The following TPSD1 variants were observed in gnomAD, a reference collection of about 807,000 sequenced individuals.
TPSD1 encodes the protein tryptase delta 1, also known as tryptase delta.
In TPSD1, 30 loss-of-function variants were observed where a neutral mutation model predicts 25.4. The observed-to-expected ratio is 1.18, with a 90% CI of 0.88 to 1.60. TPSD1 has a LOEUF of 1.60. Ranked by LOEUF, TPSD1 falls within the 40% of genes most tolerant of loss-of-function variation. TPSD1 has a pLI of 0.00. For synonymous variants in TPSD1, 176 were observed against 149.4 expected (o/e 1.18, Z -1.30); for missense variants, 420 against 324.2 (o/e 1.30, Z -2.27).
chr16:1,256,340 G>A lies in TPSD1; in HGVS notation c.60G>A (p.Ala20=), dbSNP rs545531022. 79 of 1,613,278 alleles carry A rather than the reference G, an allele frequency of 4.9e-5. No individual in the cohort carries two copies. Among genetic ancestry groups the A allele is most frequent in the African/African-American group, 1.7e-4 (13 of 75,038 alleles). ...TGCTGCTGGCGCTGCCCGTCCTGGC[G>A]AGCCCGGCCTACGTGGCCCCTGGTG... ...SLLLLALPVL[A]SPAYVAPAPG... is the part of the protein sequence containing the mutation. Residue 20 remains alanine (A), a synonymous_variant, in exon 1 of 5, where the codon GCG becomes GCA. Transcript: ENST00000211076.
At chr16:1,257,545 A>C in intron 3 of TPSD1, 1 of 234,452 alleles carries the variant, frequency 4.3e-6, no homozygotes, top group South Asian at 8.5e-5. Flanking sequence ...TCACTTCTAG[A>C]AGGTCTTGTC....
chr16:1,257,603 C>T (rs760708872), intron 3 of TPSD1: 17 of 245,580 alleles, frequency 6.9e-5, no homozygotes, highest in South Asian at 7.9e-5. Context: ...ACAGCCTGAG[C>T]GGCAACCCTG....
chr16:1,257,339 G>C (rs1260135097), intron 3 of TPSD1: 1 of 542,844 alleles, frequency 1.8e-6, no homozygotes. Context: ...TCAAAAGTTT[G>C]TACGTCACGG....
At position 1,256,619 on chromosome 16, in the gene TPSD1, G is replaced by A; in HGVS notation, c.186G>A (p.Trp62Ter). The part of the protein sequence containing the change: ...QVSLRVRGPY[W>*]MHFCGGSLIH... ...GCCTGAGAGTCCGCGGCCCATACTG[G>A]ATGCACTTCTGCGGGGGCTCCCTCA... The change falls in exon 2 of 5, where the codon TGG becomes TGA. Residue 62 changes from tryptophan (W) to a stop codon, truncating the protein, a stop_gained. Transcript: ENST00000211076. LOFTEE classifies it high-confidence loss of function. 1.2e-6 allele frequency: 2 copies of A among 1,613,064 alleles called. No homozygotes were observed. Among genetic ancestry groups the A allele is most frequent in the South Asian group, 2.2e-5 (2 of 91,056 alleles).
At chr16:1,257,922 C>A in intron 3 of TPSD1, 137 bp from the exon 4 acceptor site, 1 of 949,372 alleles carries the variant, frequency 1.1e-6, no homozygotes. Context: ...CATTCACCGC[C>A]CCTTCCCCGG....
chr16:1,258,037 C>T (rs535970814), intron 3 of TPSD1, 22 bp from the exon 4 acceptor site: 6 of 1,558,384 alleles, frequency 3.9e-6, no homozygotes, highest in Admixed American at 1.9e-5. Context: ...AGACCCGGCT[C>T]CACGCCCCCC....
In TPSD1 at chr16:1,256,914, G is replaced by C. The variant is rs781550482; in HGVS notation, c.372G>C (p.Gln124His). The C allele has an allele frequency of 6.2e-7, 1 of 1,613,988 alleles. No homozygotes were observed. The highest frequency in any genetic ancestry group is 8.5e-7 in the Non-Finnish European group (1 of 1,180,032). Residue 124 changes from glutamine to histidine, a missense_variant, in exon 3 of 5, where the codon CAG becomes CAC. Transcript: ENST00000211076. The stretch of plus-strand genomic sequence containing the variant: ...TGCACCCACAGTTCTACATCATCCA[G>C]ACCGGGGCGGACATCGCCCTGCTGG... ...IIVHPQFYII[Q>H]TGADIALLEL...
At chr16:1,257,751 C>T (rs1376384095) in intron 3 of TPSD1, among the ~76,000 whole-genome samples, 5 of 152,186 alleles carry the variant, frequency 3.3e-5, no homozygotes, top group African/African-American at 7.2e-5. Context: ...CTAGCCCAGA[C>T]GAAAGTCAGC....
Position 1,258,594 on chromosome 16 carries a change from T to A in TPSD1, c.*218T>A. On this transcript the variant is annotated 3_prime_UTR_variant, in exon 5 of 5. Transcript: ENST00000211076. ...CCAGGTGGTGACTGCCCCCCACACC[T>A]TCCCCCATCCTGAGTCCCCTCTCCC... is the stretch of plus-strand genomic sequence containing the variant. 1 of 1,287,204 alleles carries A rather than the reference T, an allele frequency of 7.8e-7. No individual in the cohort carries two copies. The highest frequency in any genetic ancestry group is 1.4e-5 in the South Asian group (1 of 72,344). 79.7% of individuals were successfully genotyped at this position (1,287,204 alleles called of 1,614,324 possible).
chr16:1,258,141 C>T lies in TPSD1; in HGVS notation c.603C>T (p.Thr201=), dbSNP rs141442396. 73 of 1,611,528 alleles carry T rather than the reference C, an allele frequency of 4.5e-5. No individual in the cohort carries two copies. Among genetic ancestry groups the T allele is most frequent in the African/African-American group, 1.7e-4 (13 of 75,008 alleles). The change falls in exon 4 of 5, where the codon ACC becomes ACT. Residue 201 remains threonine, a synonymous_variant. Coordinates refer to ENST00000211076, the MANE Select transcript of TPSD1 (RefSeq NM_012217.3). ...ENHLCNAEYH[T]GLHTGHSFQI... Reference sequence around the variant, plus strand: ...ACCTTTGCAACGCGGAATATCACACCGGCCTCCATACGGGCCACAGCTTTC... The same window carrying T: ...ACCTTTGCAACGCGGAATATCACACTGGCCTCCATACGGGCCACAGCTTTC...
rs145927179 is a variant in TPSD1 at position 1,258,211 on chromosome 16, G to C, written c.673G>C (p.Asp225His). The C allele has an allele frequency of 4.2e-4, 683 of 1,612,472 alleles. 2 individuals are homozygous for C. The African/African-American group carries it at 8.1e-3, about 19-fold the overall frequency. ...DMLCAGSENHDSCQGDSGGPL... is the reference protein window; with the variant it reads ...DMLCAGSENHHSCQGDSGGPL... The stretch of plus-strand genomic sequence containing the variant: ...GCTGTGTGCGGGGAGCGAAAATCAC[G>C]ACTCCTGCCAGGTGGGCCCTCGCGT... The change falls in exon 4 of 5, where the codon GAC (aspartate) becomes CAC (histidine). Residue 225 changes from aspartate (D) to histidine (H), a missense_variant. Asp to His is a moderately conservative substitution (Grantham distance 81, BLOSUM62 -1). Coordinates refer to ENST00000211076, the MANE Select transcript of TPSD1 (RefSeq NM_012217.3).
Position 1,258,349 on chromosome 16 carries a change from C to G in TPSD1, c.702C>G (p.Pro234=), listed in dbSNP as rs1453722650. 1 of 1,613,418 alleles carries G rather than the reference C, an allele frequency of 6.2e-7. No homozygotes were observed. The highest frequency in any genetic ancestry group is 1.1e-5 in the South Asian group (1 of 91,072). ...HDSCQGDSGG[P]LVCKVNGT is the part of the protein sequence containing the mutation. ...CTTCCCAGGGTGACTCTGGAGGGCC[C>G]CTGGTCTGCAAGGTGAATGGCACCT... The change falls in exon 5 of 5, where the codon CCC becomes CCG. Residue 234 remains proline (P), a synonymous_variant. Transcript: ENST00000211076.
chr16:1,257,328 A>G, intron 3 of TPSD1: 1 of 560,842 alleles, frequency 1.8e-6, no homozygotes. Context: ...GAAAGGGTGC[A>G]TCAAAAGTTT....
Position 1,258,345 on chromosome 16 carries a change from G to A in TPSD1, c.698G>A (p.Gly233Glu), listed in dbSNP as rs749748552. ...TGACCTTCCCAGGGTGACTCTGGAG[G>A]GCCCCTGGTCTGCAAGGTGAATGGC... Reference protein sequence around the residue: ...NHDSCQGDSGGPLVCKVNGT With the variant: ...NHDSCQGDSGEPLVCKVNGT The change falls in exon 5 of 5, where the codon GGG becomes GAG. Residue 233 changes from glycine to glutamate, a missense_variant. Gly to Glu is a moderately conservative substitution (Grantham distance 98). Coordinates refer to ENST00000211076, the MANE Select transcript of TPSD1 (RefSeq NM_012217.3). The A allele has an allele frequency of 6.2e-7, 1 of 1,606,498 alleles. No individual in the cohort carries two copies. The highest frequency in any genetic ancestry group is 2.2e-5 in the East Asian group (1 of 44,854).
In TPSD1 at chr16:1,257,378, G is replaced by A. The variant is rs1415059378; in HGVS notation, c.520+316G>A. ...TGCTATGTGGAGAGAGAAATCACAC[G>A]GGGGTCTTGCTGGAAGGAGAGAGAC... On this transcript the variant is annotated intron_variant, in intron 3 of 4. Coordinates refer to ENST00000211076, the MANE Select transcript of TPSD1 (RefSeq NM_012217.3). The A allele has an allele frequency of 6.6e-5, 30 of 451,370 alleles. No homozygotes were observed. The South Asian group carries it at 8.0e-4, about 12-fold the overall frequency. The allele number at this position is 451,370 out of a possible 1,614,324, so 28.0% of individuals were successfully genotyped here.
At position 1,256,658 on chromosome 16, in the gene TPSD1, G is replaced by A. The variant is rs143366031; in HGVS notation, c.225G>A (p.Trp75Ter). 3 of 1,612,340 alleles carry A rather than the reference G, an allele frequency of 1.9e-6. No homozygotes were observed. The highest frequency in any genetic ancestry group is 1.7e-5 in the Admixed American group (1 of 59,954). ...GGGGCTCCCTCATCCACCCCCAGTG[G>A]GTGCTAACCGCGGCGCACTGCGTGG... ...FCGGSLIHPQ[W>*]VLTAAHCVEP... Residue 75 changes from tryptophan (W) to a stop codon, truncating the protein, a stop_gained, in exon 2 of 5, where the codon TGG (tryptophan) becomes TGA (stop). Coordinates refer to ENST00000211076, the MANE Select transcript of TPSD1 (RefSeq NM_012217.3). LOFTEE classifies it high-confidence loss of function.
Position 1,258,510 on chromosome 16 carries a change from T to C in TPSD1, c.*134T>C. On this transcript the variant is annotated 3_prime_UTR_variant, in exon 5 of 5. Coordinates refer to ENST00000211076, the MANE Select transcript of TPSD1 (RefSeq NM_012217.3). ...AAGAAGCCCTGAGCCAGGCCTGGGG[T>C]GTCCACCCGGGTCACTGGAGGGCCA... is the stretch of plus-strand genomic sequence containing the variant. The C allele has an allele frequency of 6.2e-7, 1 of 1,609,100 alleles. No individual in the cohort carries two copies. Among genetic ancestry groups the C allele is most frequent in the Non-Finnish European group, 8.5e-7 (1 of 1,177,322 alleles).
At position 1,258,870 on chromosome 16, in the gene TPSD1, CCCTCCTCCATCCTGAGCCT is replaced by C. The variant is rs1325377883; in HGVS notation, c.*500_*518del. The C allele has an allele frequency of 8.7e-6, 1 of 115,118 alleles. No individual in the cohort carries two copies. Among genetic ancestry groups the C allele is most frequent in the Non-Finnish European group, 1.8e-5 (1 of 55,402 alleles). The allele number at this position is 115,118 out of a possible 1,614,324, so 7.1% of individuals were successfully genotyped here. On this transcript the variant is annotated 3_prime_UTR_variant, in exon 5 of 5. Transcript: ENST00000211076. ...CCTGAGCCCCCTCCTCCATCCTGCCCCCTCCTCCATCCTGAGCCTCCTCCCCAACCCTGAATCCGCCCCT... is the reference window on the plus strand; with the variant it reads ...CCTGAGCCCCCTCCTCCATCCTGCCCCCTCCCCAACCCTGAATCCGCCCCT...
Position 1,258,456 on chromosome 16 carries a change from A to G in TPSD1, c.*80A>G, listed in dbSNP as rs2031027275. On this transcript the variant is annotated 3_prime_UTR_variant, in exon 5 of 5. Transcript: ENST00000211076. ...GGCATCTACACCCGTGTCACCTACT[A>G]CTTGGACTGGATCCACCACTATGTC... is the stretch of plus-strand genomic sequence containing the variant. 2.5e-6 allele frequency: 4 copies of G among 1,613,462 alleles called. No homozygotes were observed. The highest frequency in any genetic ancestry group is 2.2e-5 in the East Asian group (1 of 44,858).
Sources: gnomAD v4.1 joint callset for allele counts (sites outside exome capture counted in the v4.1 genomes callset) on GRCh38, gnomAD v4.1.1 for gene constraint, MANE v1.5 for transcripts, NCBI Gene and HGNC (gene_info 2026-07-23, HGNC 2026-07-21) for gene names.